GFI1B: variants seen among roughly 807,000 people sequenced by gnomAD.
GFI1B encodes the protein zinc finger protein Gfi-1b.
A neutral mutation model predicts 35.3 loss-of-function variants in GFI1B; 20 were observed. That is an observed-to-expected ratio of 0.57 (90% CI 0.40 to 0.82). The LOEUF (loss-of-function observed/expected upper bound fraction) is 0.82. Among genes scored for constraint, GFI1B ranks in the 40% least tolerant of loss-of-function variants. GFI1B has a pLI of 0.00. For missense variants in GFI1B, 430 were observed against 446.3 expected, an observed-to-expected ratio of 0.96 and a Z score of 0.33; for synonymous variants, 178 against 177.6, an observed-to-expected ratio of 1.00 and a Z score of -0.02.
intron 2 of GFI1B, among the ~76,000 whole-genome samples, chr9:132,973,594 G>A (rs1171414026): frequency 6.6e-6 from 1 of 152,196 alleles, no homozygotes; most frequent in African/African-American, 2.4e-5. Context: ...ATGACTCCCT[G>A]GATTGTGGGG....
At chr9:132,978,481 CA>C (rs1848697887), upstream of GFI1B, 1 of 152,098 alleles carries the variant, frequency 6.6e-6, no homozygotes, top group African/African-American at 2.4e-5. Flanking sequence ...TCAAAATTTC[CA>C]GCGAAATTCT....
At chr9:132,969,088 G>A (rs1564527166) in intron 1 of GFI1B, among the ~76,000 whole-genome samples, 2 of 152,072 alleles carry the variant, frequency 1.3e-5, no homozygotes, top group Non-Finnish European at 2.9e-5. Flanking sequence ...GAGTGCAGTG[G>A]CATGATCTCG....
At chr9:132,973,925 A>G (rs1848578445), upstream of GFI1B, among the ~76,000 whole-genome samples, 1 of 152,208 alleles carries the variant, frequency 6.6e-6, no homozygotes, top group Non-Finnish European at 1.5e-5. Context: ...CCCCCTGGGC[A>G]CAATGATTGG....
chr9:132,960,704 G>A (rs1464959887), intron 1 of GFI1B, among the ~76,000 whole-genome samples: 4 of 151,738 alleles, frequency 2.6e-5, no homozygotes, highest in Middle Eastern at 3.4e-3. Flanking sequence ...GCCTAACTAT[G>A]TTTCCCAGGC....
rs779141095 is a variant in GFI1B, at chr9:132,989,217, G to A, written c.648+19G>A. On this transcript the variant is annotated intron_variant, in intron 5 of 6. Coordinates refer to ENST00000372122, the MANE Select transcript of GFI1B (RefSeq NM_001377304.1). This position sits in a 1 kb window ranked among gnomAD's most constrained non-coding sequence, Gnocchi z 6.2. The stretch of plus-strand genomic sequence containing the variant: ...CTCCCAGGTGGGCACCTGGCCCAGC[G>A]CAGGACTCCCAGCCCCACTCCTTCT... 9 of 1,605,918 alleles carry A rather than the reference G, an allele frequency of 5.6e-6. No individual in the cohort carries two copies. Among genetic ancestry groups the A allele is most frequent in the East Asian group, 4.5e-5 (2 of 44,842 alleles).
chr9:132,980,693 C>T (rs924205701), intron 1 of GFI1B, among the ~76,000 whole-genome samples: 3 of 152,170 alleles, frequency 2.0e-5, no homozygotes, highest in Non-Finnish European at 2.9e-5. Context: ...TTCCCCTCAC[C>T]TCTGGCAACC....
chr9:132,990,928 C>A lies in GFI1B; in HGVS notation c.871C>A (p.Leu291Ile). 6.2e-7 allele frequency: 1 copy of A among 1,614,228 alleles called. No individual in the cohort carries two copies. The highest frequency in any genetic ancestry group is 2.2e-5 in the East Asian group (1 of 44,884). Reference sequence around the variant, plus strand: ...AAAGGCCTTCAGCCAGAGCTCCAACCTCATCACCCACAGCCGCAAGCACAC... The same window carrying A: ...AAAGGCCTTCAGCCAGAGCTCCAACATCATCACCCACAGCCGCAAGCACAC... ...CGKAFSQSSN[L>I]ITHSRKHTGF... Residue 291 changes from leucine (L) to isoleucine (I), a missense_variant, in exon 7 of 7, where the codon CTC (leucine) becomes ATC (isoleucine). Coordinates refer to ENST00000372122, the MANE Select transcript of GFI1B (RefSeq NM_001377304.1).
chr9:132,962,420 G>T (rs1195849568), intron 1 of GFI1B: 1 of 329,296 alleles, frequency 3.0e-6, no homozygotes, highest in Admixed American at 4.2e-5. Flanking sequence ...TTACAAGTGT[G>T]AGCCTCCTCT....
intron 1 of GFI1B, among the ~76,000 whole-genome samples, chr9:132,954,445 C>T (rs1457071204): frequency 6.6e-6 from 1 of 151,316 alleles, no homozygotes; most frequent in East Asian, 2.0e-4. Flanking sequence ...TGTGGTAGTG[C>T]ATAACTGTAA....
chr9:132,965,418 T>C (rs2132602127), intron 1 of GFI1B, among the ~76,000 whole-genome samples: 1 of 152,342 alleles, frequency 6.6e-6, no homozygotes, highest in East Asian at 1.9e-4. Flanking sequence ...GAGGAAACCG[T>C]AGTGGGTTGA....
At chr9:132,951,825 T>C (rs1588404452) in intron 1 of GFI1B, 2 of 152,364 alleles carry the variant, frequency 1.3e-5, no homozygotes, top group East Asian at 3.9e-4. Flanking sequence ...TAGAGTACAG[T>C]GGCCTGATCA....
intron 2 of GFI1B, among the ~76,000 whole-genome samples, 176 bp from the exon 3 acceptor site, chr9:132,987,106 G>A (rs930017088): frequency 1.3e-5 from 2 of 152,160 alleles, no homozygotes; most frequent in Admixed American, 1.3e-4. Flanking sequence ...TCTCCTCCTG[G>A]CCTCTTCTTG....
chr9:132,985,817 C>T (rs573569399), intron 1 of GFI1B, among the ~76,000 whole-genome samples: 2 of 152,352 alleles, frequency 1.3e-5, no homozygotes, highest in East Asian at 1.9e-4. Flanking sequence ...TTCTAACCCA[C>T]GAACCACTGA....
chr9:132,964,743 C>CTTTTTTT (rs71376675), intron 1 of GFI1B, among the ~76,000 whole-genome samples: 2 of 107,938 alleles, frequency 1.9e-5, no homozygotes, highest in Non-Finnish European at 3.7e-5. Flanking sequence ...ATTTTTCTTC[C>CTTTTTTT]TTTTTTTTTT....
At chr9:132,972,702 A>G (rs950111319) in intron 1 of GFI1B, 1 of 152,260 alleles carries the variant, frequency 6.6e-6, no homozygotes, top group African/African-American at 2.4e-5. Flanking sequence ...CTGTACACAG[A>G]TAATTATTTT....
intron 1 of GFI1B, among the ~76,000 whole-genome samples, chr9:132,964,792 T>A (rs1423389904): frequency 2.2e-5 from 3 of 133,992 alleles, no homozygotes; most frequent in African/African-American, 8.5e-5. Flanking sequence ...CAGGCTGGAG[T>A]GCAGTGGCGT....
chr9:132,947,563 A>C (rs11243944), intron 1 of GFI1B, among the ~76,000 whole-genome samples: 32,690 of 151,854 alleles, frequency 0.22, 3,622 homozygotes, highest in African/African-American at 0.23. Flanking sequence ...AATCCTAGCA[A>C]TTTGGGAGGC....
chr9:132,988,443 C>T lies in GFI1B; in HGVS notation c.485C>T (p.Ala162Val), dbSNP rs769515561. The change falls in exon 4 of 7, where the codon GCG becomes GTG. Residue 162 changes from alanine to valine, a missense_variant. Transcript: ENST00000372122. ...CTCCGCTACTCCCCAGGCATGGATG[C>T]GTACCACTGTGTGAAGTGCAACAAG... is the stretch of plus-strand genomic sequence containing the variant. The part of the protein sequence containing the change: ...FSLRYSPGMD[A>V]YHCVKCNKVF... 1.2e-5 allele frequency: 19 copies of T among 1,613,712 alleles called. No individual in the cohort carries two copies. Among genetic ancestry groups the T allele is most frequent in the African/African-American group, 9.3e-5 (7 of 74,936 alleles).
Position 132,989,276 on chromosome 9 carries a change from T to A in GFI1B, c.648+78T>A. On this transcript the variant is annotated intron_variant, in intron 5 of 6. Transcript: ENST00000372122. The surrounding 1 kb of genome is among the most constrained non-coding windows in gnomAD (Gnocchi z 6.2). ...CCCCAGGGAGCCTGGGGGCTGTGGC[T>A]GGGTCCCTCCCCCTGCCCCTGGGGG... 7.0e-7 allele frequency: 1 copy of A among 1,426,142 alleles called. No homozygotes were observed. The highest frequency in any genetic ancestry group is 9.8e-7 in the Non-Finnish European group (1 of 1,023,350). The allele number at this position is 1,426,142 out of a possible 1,614,324, so 88.3% of individuals were successfully genotyped here.
Sources: gnomAD v4.1 joint callset for allele counts (sites outside exome capture counted in the v4.1 genomes callset) on GRCh38, gnomAD v4.1.1 for gene constraint, Gnocchi (gnomAD v3.1) non-coding constraint, MANE v1.5 for transcripts, NCBI Gene and HGNC (gene_info 2026-07-23, HGNC 2026-07-21) for gene names.